The following KCNT1 variants were observed in gnomAD, a reference collection of about 807,000 sequenced individuals.
The protein encoded by KCNT1 is potassium sodium-activated channel subfamily T member 1, also known as potassium channel subfamily T member 1.
Under a neutral mutation model 147.8 loss-of-function variants are expected in KCNT1, and 78 were observed. That is an observed-to-expected ratio of 0.53 (90% CI 0.44 to 0.64). KCNT1 has a LOEUF of 0.64. Ranked by LOEUF, KCNT1 falls within the 30% of genes least tolerant of loss-of-function variation. The pLI, the probability that KCNT1 is intolerant of heterozygous loss-of-function variation, is 0.00. For missense variants in KCNT1, 1,419 were observed against 1,750.3 expected (o/e 0.81, Z 3.38); for synonymous variants, 867 against 748.8 (o/e 1.16, Z -2.58).
At chr9:135,786,037 C>T in intron 28 of KCNT1, 160 bp from the exon 29 acceptor site, 3 of 636,970 alleles carry the variant, frequency 4.7e-6, no homozygotes, top group Non-Finnish European at 8.1e-6. Flanking sequence ...GCACATGCAC[C>T]CTGGGGTCTG....
intron 1 of KCNT1, among the ~76,000 whole-genome samples, chr9:135,702,629 G>A (rs1315052446): frequency 2.0e-5 from 3 of 152,156 alleles, no homozygotes; most frequent in Admixed American, 1.3e-4. Context: ...GGGAGCGGCC[G>A]TGGCTACATG....
rs776239808 is a variant in KCNT1, at chr9:135,785,311, C to A, written c.3158C>A (p.Pro1053His). Reference protein sequence around the residue: ...TESHVFSTSEPHDLRAQSQIS... With the variant: ...TESHVFSTSEHHDLRAQSQIS... Reference sequence around the variant, plus strand: ...AGACTGCGCCTGTTTCCTTTGCAGCCCCACGACCTCAGAGCCCAGGTAAGC... The same window carrying A: ...AGACTGCGCCTGTTTCCTTTGCAGCACCACGACCTCAGAGCCCAGGTAAGC... Residue 1053 changes from proline (P) to histidine (H), a missense_variant and splice_region_variant, in exon 28 of 31, where the codon CCC (proline) becomes CAC (histidine). Around this residue, in one of 5 missense-constraint regions of KCNT1, gnomAD observed 306 missense variants for 294.2 expected, o/e 1.04. Transcript: ENST00000371757. 5.1e-5 allele frequency: 82 copies of A among 1,612,876 alleles called. No individual in the cohort carries two copies. Among genetic ancestry groups the A allele is most frequent in the Non-Finnish European group, 6.6e-5 (78 of 1,179,906 alleles).
chr9:135,770,146 TC>T, intron 16 of KCNT1, 91 bp downstream of exon 16: 1 of 1,395,022 alleles, frequency 7.2e-7, no homozygotes, highest in Non-Finnish European at 9.8e-7. Flanking sequence ...GGGATGGGCT[TC>T]CCAGAGGAGG....
chr9:135,760,940 A>G (rs370368919), intron 11 of KCNT1, among the ~76,000 whole-genome samples: 47 of 152,212 alleles, frequency 3.1e-4, no homozygotes, highest in African/African-American at 1.1e-3. Flanking sequence ...AGAAGAAGCC[A>G]GTTGTGTGTG....
chr9:135,777,553 T>G, intron 21 of KCNT1, 43 bp downstream of exon 21: 1 of 1,230,156 alleles, frequency 8.1e-7, no homozygotes, highest in Non-Finnish European at 1.1e-6. Context: ...ACCCGGGCCC[T>G]CAGACCTGCA....
chr9:135,735,748 G>A (rs1242508323), intron 2 of KCNT1, among the ~76,000 whole-genome samples: 1 of 152,128 alleles, frequency 6.6e-6, no homozygotes, highest in Non-Finnish European at 1.5e-5. Context: ...CCAGGTCTGG[G>A]GTCAGAGCGT....
chr9:135,758,421 T>A lies in KCNT1; in HGVS notation c.767T>A (p.Phe256Tyr). 6.2e-7 allele frequency: 1 copy of A among 1,612,662 alleles called. No individual in the cohort carries two copies. Among genetic ancestry groups the A allele is most frequent in the Non-Finnish European group, 8.5e-7 (1 of 1,179,604 alleles). ...CCACCACTCCTTCCACAGAATGACT[T>A]CCACCGTGCCATCCTGCGGACACAG... is the stretch of plus-strand genomic sequence containing the variant. ...KHALENMIND[F>Y]HRAILRTQSA... is the part of the protein sequence containing the mutation. The change falls in exon 10 of 31, where the codon TTC becomes TAC. Residue 256 changes from phenylalanine to tyrosine, a missense_variant. Physicochemically the swap from Phe to Tyr is conservative, Grantham distance 22 (BLOSUM62 3). Coordinates refer to ENST00000371757, the MANE Select transcript of KCNT1 (RefSeq NM_020822.3).
At chr9:135,731,960 G>GGATATATATATATA (rs1554766096) in intron 2 of KCNT1, among the ~76,000 whole-genome samples, 1 of 41,414 alleles carries the variant, frequency 2.4e-5, no homozygotes, top group African/African-American at 8.9e-5. Flanking sequence ...AAATATGCGT[G>GGATATATATATATA]TATATATATA....
At position 135,787,913 on chromosome 9, in the gene KCNT1, C is replaced by T. The variant is rs144050999; in HGVS notation, c.3502+1392C>T. ...CAGAGCTGGTGCCTGCCTCTGCGAC[C>T]GCTGCCTGCCCCCAGAGCTTGGCAA... On this transcript the variant is annotated intron_variant, in intron 29 of 30. Transcript: ENST00000371757. Among the ~76,000 whole-genome samples, 314 of 152,302 alleles carry T rather than the reference C, an allele frequency of 2.1e-3. 5 individuals are homozygous for T. In the East Asian group the frequency reaches 0.036, roughly 18 times the overall value.
chr9:135,780,889 C>T (rs140261499), intron 24 of KCNT1, among the ~76,000 whole-genome samples: 17 of 152,338 alleles, frequency 1.1e-4, no homozygotes, highest in Admixed American at 6.5e-4. Context: ...GGGATGCTGC[C>T]GTGGAGTCGG....
chr9:135,770,330 G>GC lies in KCNT1; in HGVS notation c.1653dup (p.Met552HisfsTer17). ...CAGGAGTCTCCGGAGCAGTGGCAGC[G>GC]CATGTATGGGCGCTGCTCCGGCAAC... On this transcript the variant is annotated frameshift_variant, in exon 17 of 31. Transcript: ENST00000371757. LOFTEE classifies it high-confidence loss of function. 6.2e-7 allele frequency: 1 copy of GC among 1,610,964 alleles called. No homozygotes were observed. The highest frequency in any genetic ancestry group is 8.5e-7 in the Non-Finnish European group (1 of 1,178,752).
chr9:135,791,169 GTCCAGGCCCGGGGACAGCGGCAGC>G (rs996368558), intron 29 of KCNT1: 11 of 153,436 alleles, frequency 7.2e-5, no homozygotes, highest in African/African-American at 2.7e-4. Context: ...GGAATGGCCT[GTCCAGGCCCGGGGACAGCGGCAGC>G]TGCAGGGCCC....
intron 2 of KCNT1, among the ~76,000 whole-genome samples, chr9:135,723,697 A>G (rs1256867220): frequency 6.6e-6 from 1 of 152,144 alleles, no homozygotes; most frequent in East Asian, 1.9e-4. Flanking sequence ...GAGCATCTAG[A>G]GCTGTCCCGG....
intron 28 of KCNT1, 87 bp downstream of exon 28, chr9:135,785,417 A>ACCCCC: frequency 9.8e-7 from 1 of 1,022,120 alleles, no homozygotes; most frequent in Non-Finnish European, 1.2e-6. Flanking sequence ...GGCCCCACCC[A>ACCCCC]CCCACCCACC....
intron 2 of KCNT1, among the ~76,000 whole-genome samples, chr9:135,749,775 C>T (rs1397545141): frequency 6.6e-6 from 1 of 152,212 alleles, no homozygotes; most frequent in Non-Finnish European, 1.5e-5. Context: ...CCCACGGAGG[C>T]TTGGGCGAGG....
rs372028322 is a variant in KCNT1, at chr9:135,792,051, C to T, written c.3598C>T (p.Arg1200Cys). 143 of 1,604,142 alleles carry T rather than the reference C, an allele frequency of 8.9e-5. No homozygotes were observed. Among genetic ancestry groups the T allele is most frequent in the South Asian group, 1.1e-4 (10 of 91,018 alleles). Residue 1200 changes from arginine (R) to cysteine (C), a missense_variant, in exon 31 of 31, where the codon CGC (arginine) becomes TGC (cysteine). Coordinates refer to ENST00000371757, the MANE Select transcript of KCNT1 (RefSeq NM_020822.3). ...LEPSDIVYLIRSDPLAHVASS... is the reference protein window; with the variant it reads ...LEPSDIVYLICSDPLAHVASS... The stretch of plus-strand genomic sequence containing the variant: ...TGTGCCCTCCCGCAGCTATCTCATC[C>T]GCTCCGACCCCCTGGCTCACGTGGC...
intron 20 of KCNT1, among the ~76,000 whole-genome samples, chr9:135,775,776 G>A (rs1030853272): frequency 1.1e-4 from 16 of 152,272 alleles, no homozygotes; most frequent in Non-Finnish European, 1.6e-4. Flanking sequence ...ACCCCGGCCC[G>A]GCATGGGTGT....
intron 3 of KCNT1, 117 bp downstream of exon 3, chr9:135,750,294 A>G: frequency 1.3e-5 from 9 of 709,656 alleles, no homozygotes; most frequent in Admixed American, 2.1e-5. Context: ...ATGGGGTGGG[A>G]GCCACCTGAG....
Position 135,770,930 on chromosome 9 carries a change from A to C in KCNT1, c.1843A>C (p.Ile615Leu). 6.2e-7 allele frequency: 1 copy of C among 1,612,776 alleles called. No individual in the cohort carries two copies. The highest frequency in any genetic ancestry group is 8.5e-7 in the Non-Finnish European group (1 of 1,179,460). ...CCTGCTGAACCCGGGGCCCCGGCACATCCTGGCCGCCTCTGACACCTGCTT... is the reference window on the plus strand; with the variant it reads ...CCTGCTGAACCCGGGGCCCCGGCACCTCCTGGCCGCCTCTGACACCTGCTT... Reference protein sequence around the residue: ...SILLNPGPRHILAASDTCFYI... With the variant: ...SILLNPGPRHLLAASDTCFYI... Residue 615 changes from isoleucine to leucine, a missense_variant, in exon 18 of 31, where the codon ATC becomes CTC. Ile to Leu is a conservative substitution (Grantham distance 5). Around this residue, in one of 5 missense-constraint regions of KCNT1, gnomAD observed 284 missense variants for 292.8 expected, o/e 0.97. Transcript: ENST00000371757.
Sources: gnomAD v4.1 joint callset for allele counts (sites outside exome capture counted in the v4.1 genomes callset) on GRCh38, gnomAD v4.1.1 for gene constraint, gnomAD v4.1.1 regional missense constraint, MANE v1.5 for transcripts, NCBI Gene and HGNC (gene_info 2026-07-23, HGNC 2026-07-21) for gene names.